CSAD: variants seen among roughly 807,000 people sequenced by gnomAD.
CSAD encodes P-selectin cytoplasmic tail-associated protein.
A neutral mutation model predicts 61.5 loss-of-function variants in CSAD; 47 were observed. The ratio of observed to expected loss-of-function variants is 0.76; its 90% CI spans 0.60 to 0.97. CSAD has a LOEUF of 0.97. Ranked by LOEUF, CSAD falls within the 50% of genes least tolerant of loss-of-function variation. The probability of loss-of-function intolerance (pLI) is 0.00; values close to 1 mark genes in which losing one functional copy is unlikely to be tolerated. For missense variants in CSAD, 611 were observed against 643.6 expected (o/e 0.95, Z 0.55); for synonymous variants, 245 against 252.7 (o/e 0.97, Z 0.29).
intron 10 of CSAD, among the ~76,000 whole-genome samples, chr12:53,162,974 T>C (rs1939471800): frequency 6.6e-6 from 1 of 150,920 alleles, no homozygotes. Flanking sequence ...GGCAGGAGAA[T>C]GGCTTAAACC....
chr12:53,162,888 C>A (rs1413602568), intron 10 of CSAD, among the ~76,000 whole-genome samples: 6 of 151,940 alleles, frequency 3.9e-5, no homozygotes, highest in Non-Finnish European at 7.4e-5. Flanking sequence ...ATGGAACAAC[C>A]CTGTCTCTAC....
chr12:53,176,591 C>T (rs570167647), intron 2 of CSAD, among the ~76,000 whole-genome samples: 1 of 149,844 alleles, frequency 6.7e-6, no homozygotes, highest in African/African-American at 2.5e-5. Context: ...TGGTGGTGGG[C>T]ACCTGCAGTC....
chr12:53,170,779 G>T, intron 8 of CSAD: 1 of 453,808 alleles, frequency 2.2e-6, no homozygotes, highest in Non-Finnish European at 4.0e-6. Flanking sequence ...GGAGTGCAGT[G>T]GTGTCATCTC....
intron 10 of CSAD, among the ~76,000 whole-genome samples, chr12:53,165,340 CA>C (rs796689073): frequency 9.5e-4 from 136 of 143,320 alleles, no homozygotes; most frequent in Non-Finnish European, 3.7e-4. Flanking sequence ...GACCCTCTCT[CA>C]AAAAAAAAAC....
At chr12:53,181,049 A>C (rs1014091404), upstream of CSAD, 1 of 876,264 alleles carries the variant, frequency 1.1e-6, no homozygotes, top group Non-Finnish European at 1.4e-6. Flanking sequence ...GGCCCGGGAG[A>C]GGGCTCTCGG....
intron 2 of CSAD, among the ~76,000 whole-genome samples, chr12:53,178,800 TAAA>T (rs1941305742): frequency 6.6e-6 from 1 of 152,048 alleles, no homozygotes; most frequent in African/African-American, 2.4e-5. Context: ...AAAATAAAAA[TAAA>T]AATAAATTTA....
At chr12:53,178,923 G>A (rs1461462483) in intron 2 of CSAD, among the ~76,000 whole-genome samples, 179 bp downstream of exon 2, 1 of 151,890 alleles carries the variant, frequency 6.6e-6, no homozygotes, top group Non-Finnish European at 1.5e-5. Flanking sequence ...CACGACTCTC[G>A]CCTCACCACA....
chr12:53,173,365 C>G lies in CSAD; in HGVS notation c.106G>C (p.Gly36Arg), dbSNP rs374098079. 11 of 1,614,208 alleles carry G rather than the reference C, an allele frequency of 6.8e-6. No homozygotes were observed. The highest frequency in any genetic ancestry group is 3.3e-5 in the South Asian group (3 of 91,082). The change falls in exon 4 of 17, where the codon GGA becomes CGA. Residue 36 changes from glycine to arginine, a missense_variant. Coordinates refer to ENST00000444623, the MANE Select transcript of CSAD (RefSeq NM_001244705.2). ...GVVVDEAIQKGTSVSQKVCEW... is the reference protein window; with the variant it reads ...GVVVDEAIQKRTSVSQKVCEW... ...CTCACCTTCTGGGAGACACTGGTTC[C>G]TTTCTGAATGGCCTCATCCACAACA...
chr12:53,159,671 G>GC lies in CSAD; in HGVS notation c.1259dup (p.Ser420ArgfsTer59). 1 of 1,611,702 alleles carries GC rather than the reference G, an allele frequency of 6.2e-7. No homozygotes were observed. The highest frequency in any genetic ancestry group is 8.5e-7 in the Non-Finnish European group (1 of 1,178,984). On this transcript the variant is annotated frameshift_variant, in exon 16 of 17. Coordinates refer to ENST00000444623, the MANE Select transcript of CSAD (RefSeq NM_001244705.2). LOFTEE classifies it high-confidence loss of function. ...CTGGACTCTCCTGCTTCCCTCGCAG[G>GC]CTGGGGGGTACGAACCAGAAACACA...
chr12:53,161,723 G>A (rs775287035), intron 10 of CSAD, among the ~76,000 whole-genome samples: 6 of 152,154 alleles, frequency 3.9e-5, no homozygotes, highest in Non-Finnish European at 8.8e-5. Context: ...ACTTCAGGAG[G>A]CCAAGGCAGG....
chr12:53,164,608 A>G (rs1024820329), intron 10 of CSAD: 1 of 154,090 alleles, frequency 6.5e-6, no homozygotes, highest in Non-Finnish European at 1.4e-5. Flanking sequence ...AAGGTTGAAA[A>G]CATACCTATT....
rs368428943 is a variant in CSAD, at chr12:53,160,306, C to A, written c.980G>T (p.Arg327Leu). The change falls in exon 14 of 17, where the codon CGC (arginine) becomes CTC (leucine). Residue 327 changes from arginine (R) to leucine (L), a missense_variant. Coordinates refer to ENST00000444623, the MANE Select transcript of CSAD (RefSeq NM_001244705.2). Reference protein sequence around the residue: ...LLQDTSNLLKRCHGSQASYLF... With the variant: ...LLQDTSNLLKLCHGSQASYLF... ...GTAGCTGGCCTGGGACCCATGGCAG[C>A]GCTTGAGCAGGTTCTGTGTGGGGGT... 4 of 1,614,152 alleles carry A rather than the reference C, an allele frequency of 2.5e-6. No individual in the cohort carries two copies. Among genetic ancestry groups the A allele is most frequent in the African/African-American group, 1.3e-5 (1 of 75,048 alleles).
chr12:53,160,635 G>A (rs1308079333), intron 13 of CSAD, 128 bp downstream of exon 13: 10 of 833,996 alleles, frequency 1.2e-5, no homozygotes, highest in Non-Finnish European at 1.9e-5. Flanking sequence ...TAGGGTGGTA[G>A]CTGAGATGCA....
At chr12:53,170,560 T>TA (rs1940442340) in intron 8 of CSAD, 58 bp from the exon 9 acceptor site, 1 of 1,378,270 alleles carries the variant, frequency 7.3e-7, no homozygotes, top group East Asian at 2.3e-5. Flanking sequence ...GGAGAGAAGG[T>TA]AAAAGTCAAG....
At chr12:53,178,759 T>C (rs1273792432) in intron 2 of CSAD, among the ~76,000 whole-genome samples, 1 of 152,110 alleles carries the variant, frequency 6.6e-6, no homozygotes, top group Non-Finnish European at 1.5e-5. Flanking sequence ...CACTCTAGCC[T>C]GGGTGACAGA....
intron 1 of CSAD, chr12:53,179,845 C>T (rs772634794): frequency 5.0e-6 from 8 of 1,613,538 alleles, no homozygotes; most frequent in Non-Finnish European, 6.8e-6. Flanking sequence ...CCATCTTTAG[C>T]AGGACCTCTC....
rs774684695 is a variant in CSAD at position 53,158,675 on chromosome 12, C to T, written c.1318G>A (p.Val440Met). ...TCCTTCACCATGCGCTCCTTGAGCACGGGGGCCACCTGTGGAAGGGTGGAG... is the reference window on the plus strand; with the variant it reads ...TCCTTCACCATGCGCTCCTTGAGCATGGGGGCCACCTGTGGAAGGGTGGAG... ...YHERLSKVAP[V>M]LKERMVKEGS... Residue 440 changes from valine to methionine, a missense_variant, in exon 17 of 17, where the codon GTG becomes ATG. Transcript: ENST00000444623. The T allele has an allele frequency of 4.3e-6, 7 of 1,613,922 alleles. No homozygotes were observed. The highest frequency in any genetic ancestry group is 1.7e-5 in the Admixed American group (1 of 59,996).
chr12:53,172,055 G>A (rs1940648478), intron 6 of CSAD, 67 bp from the exon 7 acceptor site: 2 of 1,135,446 alleles, frequency 1.8e-6, no homozygotes, highest in African/African-American at 1.5e-5. Context: ...CCCTTAAACT[G>A]CACAGGAGTC....
intron 16 of CSAD, 91 bp downstream of exon 16, chr12:53,159,532 C>A: frequency 1.9e-6 from 2 of 1,058,894 alleles, no homozygotes; most frequent in South Asian, 1.4e-5. Context: ...AGCAAGGAGA[C>A]CTGCCATGCC....
Sources: gnomAD v4.1 joint callset for allele counts (sites outside exome capture counted in the v4.1 genomes callset) on GRCh38, gnomAD v4.1.1 for gene constraint, MANE v1.5 for transcripts, NCBI Gene and HGNC (gene_info 2026-07-23, HGNC 2026-07-21) for gene names.